CTDP1: variants seen among roughly 807,000 people sequenced by gnomAD.
The protein encoded by CTDP1 is CTD phosphatase 1.
A neutral mutation model predicts 91.8 loss-of-function variants in CTDP1; 47 were observed. The ratio of observed to expected loss-of-function variants is 0.51; its 90% confidence interval spans 0.41 to 0.65. The LOEUF is 0.65. Among genes scored for constraint, CTDP1 ranks in the 30% least tolerant of loss-of-function variants. The pLI is 0.00. For synonymous variants in CTDP1, 656 were observed against 598.5 expected (o/e 1.10, Z -1.40); for missense variants, 1,272 against 1,373.7 (o/e 0.93, Z 1.17).
chr18:79,739,547 C>T (rs535179313), intron 12 of CTDP1, among the ~76,000 whole-genome samples: 5 of 152,304 alleles, frequency 3.3e-5, no homozygotes, highest in African/African-American at 4.8e-5. Flanking sequence ...GAAAACCCCT[C>T]GGCTCTGGCG....
intron 1 of CTDP1, among the ~76,000 whole-genome samples, chr18:79,691,065 C>T (rs1836766121): frequency 6.6e-6 from 1 of 152,202 alleles, no homozygotes; most frequent in Admixed American, 6.5e-5. Context: ...CTGCTTCCTA[C>T]TCGTCTGTCA....
intron 1 of CTDP1, 42 bp downstream of exon 1, chr18:79,680,303 C>G: frequency 1.6e-6 from 2 of 1,236,230 alleles, no homozygotes; most frequent in Non-Finnish European, 2.0e-6. Flanking sequence ...CGGGCGGCTC[C>G]GGGGAGGGAT....
At chr18:79,679,288 G>C (rs190768693), upstream of CTDP1, 5 of 408,872 alleles carry the variant, frequency 1.2e-5, no homozygotes, top group East Asian at 1.5e-4. Context: ...TGGGGTCCGG[G>C]GGGGGACACG....
At chr18:79,710,167 A>G (rs1033572728) in intron 5 of CTDP1, among the ~76,000 whole-genome samples, 179 bp from the exon 6 acceptor site, 2 of 152,224 alleles carry the variant, frequency 1.3e-5, no homozygotes, top group Non-Finnish European at 2.9e-5. Flanking sequence ...TAAGTTCACC[A>G]TAAGAGAAAA....
upstream of CTDP1, among the ~76,000 whole-genome samples, chr18:79,676,812 A>G (rs2085262664): frequency 6.6e-6 from 1 of 152,210 alleles, no homozygotes; most frequent in Non-Finnish European, 1.5e-5. Context: ...TTCCCAATAA[A>G]TGTTTCAATC....
chr18:79,704,819 T>A lies in CTDP1; in HGVS notation c.674T>A (p.Leu225Gln). 1 of 1,614,042 alleles carries A rather than the reference T, an allele frequency of 6.2e-7. No homozygotes were observed. Among genetic ancestry groups the A allele is most frequent in the East Asian group, 2.2e-5 (1 of 44,886 alleles). The change falls in exon 5 of 13, where the codon CTG becomes CAG. Residue 225 changes from leucine (L) to glutamine (Q), a missense_variant. Coordinates refer to ENST00000613122, the MANE Select transcript of CTDP1 (RefSeq NM_004715.5). ...GGTGAGCCCATGCTGCACACGCGCCTGCGTCCACACTGCAAGGACTTCCTG... is the reference window on the plus strand; with the variant it reads ...GGTGAGCCCATGCTGCACACGCGCCAGCGTCCACACTGCAAGGACTTCCTG... ...GRGEPMLHTR[L>Q]RPHCKDFLEK...
At chr18:79,737,599 T>C (rs916911341) in intron 12 of CTDP1, among the ~76,000 whole-genome samples, 24 of 152,100 alleles carry the variant, frequency 1.6e-4, no homozygotes, top group Admixed American at 2.0e-4. Flanking sequence ...TGAACAGGCA[T>C]GAAACCCAGG....
chr18:79,743,526 CAA>C lies in CTDP1; in HGVS notation c.2747+7022_2747+7023del, dbSNP rs34957550. ...GGACAACGGAGTGAGACTCCGTCTC[CAA>C]AAAAAAAAAAAAAAAACAGTGAAGC... is the stretch of plus-strand genomic sequence containing the variant. On this transcript the variant is annotated intron_variant, in intron 12 of 12. Coordinates refer to ENST00000613122, the MANE Select transcript of CTDP1 (RefSeq NM_004715.5). Among the ~76,000 whole-genome samples, 7 of 109,914 alleles carry C rather than the reference CAA, an allele frequency of 6.4e-5. 1 individual carries two copies. The highest frequency in any genetic ancestry group is 1.9e-4 in the African/African-American group (5 of 26,646). 72.1% of individuals were successfully genotyped at this position (109,914 alleles called of 152,430 possible).
chr18:79,713,215 G>T lies in CTDP1; in HGVS notation c.1030+77G>T. 7.2e-7 allele frequency: 1 copy of T among 1,385,430 alleles called. No homozygotes were observed. The highest frequency in any genetic ancestry group is 1.0e-6 in the Non-Finnish European group (1 of 991,886). 85.8% of individuals were successfully genotyped at this position (1,385,430 alleles called of 1,614,324 possible). On this transcript the variant is annotated intron_variant, in intron 7 of 12. Transcript: ENST00000613122. This position sits in a 1 kb window ranked among gnomAD's most constrained non-coding sequence, Gnocchi z 4.7. Reference sequence around the variant, plus strand: ...TTAGCTCTTCTTATTTCTTATCTCTGTTTTGACTGCTATAAATTCAAGATA... The same window carrying T: ...TTAGCTCTTCTTATTTCTTATCTCTTTTTTGACTGCTATAAATTCAAGATA...
chr18:79,738,838 A>G (rs1232427269), intron 12 of CTDP1, among the ~76,000 whole-genome samples: 2 of 152,232 alleles, frequency 1.3e-5, no homozygotes, highest in African/African-American at 4.8e-5. Flanking sequence ...AGAAAGCAGC[A>G]TTTTCCAGCT....
At chr18:79,750,329 G>T (rs923678723) in intron 12 of CTDP1, among the ~76,000 whole-genome samples, 1 of 152,012 alleles carries the variant, frequency 6.6e-6, no homozygotes, top group Non-Finnish European at 1.5e-5. Flanking sequence ...GGGACTCCAG[G>T]CATGCACCGA....
At chr18:79,721,992 CTG>C (rs1246337584) in intron 10 of CTDP1, among the ~76,000 whole-genome samples, 4 of 152,044 alleles carry the variant, frequency 2.6e-5, no homozygotes, top group South Asian at 2.1e-4. Flanking sequence ...CCTGGCTAAT[CTG>C]TGTATTTTTA....
At chr18:79,750,528 C>CT (rs769506350) in intron 12 of CTDP1, among the ~76,000 whole-genome samples, 11 of 151,776 alleles carry the variant, frequency 7.2e-5, no homozygotes, top group Non-Finnish European at 1.0e-4. Context: ...GAGTCTCGCT[C>CT]TGTCACCCAG....
intron 4 of CTDP1, among the ~76,000 whole-genome samples, chr18:79,699,919 A>G (rs879588759): frequency 6.6e-6 from 1 of 152,104 alleles, no homozygotes; most frequent in Non-Finnish European, 1.5e-5. Context: ...GTAGTCAGTG[A>G]TCTTTGAGGT....
chr18:79,738,702 G>C (rs529532733), intron 12 of CTDP1, among the ~76,000 whole-genome samples: 2 of 152,368 alleles, frequency 1.3e-5, no homozygotes, highest in East Asian at 3.9e-4. Context: ...ATGCAGACAA[G>C]ACAAGATAGT....
intron 12 of CTDP1, among the ~76,000 whole-genome samples, chr18:79,751,554 A>G (rs1182651955): frequency 6.6e-6 from 1 of 152,138 alleles, no homozygotes; most frequent in African/African-American, 2.4e-5. Context: ...TGTTGGTTCC[A>G]TCTGATCAGC....
At chr18:79,707,817 C>T (rs1381405411) in intron 5 of CTDP1, among the ~76,000 whole-genome samples, 1 of 152,080 alleles carries the variant, frequency 6.6e-6, no homozygotes, top group African/African-American at 2.4e-5. Context: ...CGGACTGAAG[C>T]CTGAGGTGGT....
chr18:79,703,835 TA>T (rs2085908289), intron 4 of CTDP1, among the ~76,000 whole-genome samples: 1 of 152,060 alleles, frequency 6.6e-6, no homozygotes, highest in Non-Finnish European at 1.5e-5. Context: ...GGTGGTTATG[TA>T]GTTATCATAG....
intron 1 of CTDP1, among the ~76,000 whole-genome samples, chr18:79,686,366 G>A (rs550866707): frequency 1.4e-3 from 220 of 152,300 alleles, no homozygotes; most frequent in Middle Eastern, 6.8e-3. Context: ...CGGAAAACAA[G>A]CGATGTAAGT....
Sources: gnomAD v4.1 joint callset for allele counts (sites outside exome capture counted in the v4.1 genomes callset) on GRCh38, gnomAD v4.1.1 for gene constraint, Gnocchi (gnomAD v3.1) non-coding constraint, MANE v1.5 for transcripts, NCBI Gene and HGNC (gene_info 2026-07-23, HGNC 2026-07-21) for gene names.